Variants in DUSP7 observed in about 807,000 individuals in gnomAD.
The protein encoded by DUSP7 is dual specificity phosphatase 7, also known as dual specificity protein phosphatase 7.
In DUSP7, 7 loss-of-function variants were observed where a neutral mutation model predicts 29.8. The ratio of observed to expected loss-of-function variants is 0.24; its 90% CI spans 0.13 to 0.44. DUSP7 has a LOEUF of 0.44. Ranked by LOEUF, DUSP7 falls within the 20% of genes least tolerant of loss-of-function variation. DUSP7 has a pLI of 1.00. For missense variants in DUSP7, 400 were observed against 583.7 expected (o/e 0.69, Z 3.24); for synonymous variants, 287 against 275.4 (o/e 1.04, Z -0.42).
rs766289615 is a variant in DUSP7 at position 52,054,277 on chromosome 3, C to G, written c.615G>C (p.Leu205=). 34 of 1,604,252 alleles carry G rather than the reference C, an allele frequency of 2.1e-5. No individual in the cohort carries two copies. Among genetic ancestry groups the G allele is most frequent in the Non-Finnish European group, 2.3e-5 (27 of 1,173,962 alleles). The change falls in exon 2 of 3, where the codon CTG becomes CTC. Residue 205 remains leucine (L), a synonymous_variant. Transcript: ENST00000495880. This position sits in a 1 kb window ranked among gnomAD's most constrained non-coding sequence, Gnocchi z 4.1. ...AGCTGATGCGCAGGCCCCCCAGGCC[C>G]AGCACTGAGGTGGGTGGCGAGCTGC... ...SPSSSPPTSV[L]GLGGLRISSD... is the part of the protein sequence containing the mutation.
intron 1 of DUSP7, 129 bp downstream of exon 1, chr3:52,055,721 G>A: frequency 1.7e-6 from 2 of 1,173,716 alleles, no homozygotes; most frequent in Non-Finnish European, 2.3e-6. Context: ...GAGGGCGGAT[G>A]CGGGCCGGGG....
Position 52,050,739 on chromosome 3 carries a change from CG to C in DUSP7, c.*75del. On this transcript the variant is annotated 3_prime_UTR_variant, in exon 3 of 3. Coordinates refer to ENST00000495880, the MANE Select transcript of DUSP7 (RefSeq NM_001947.4). This position sits in a 1 kb window ranked among gnomAD's most constrained non-coding sequence, Gnocchi z 5.0. Reference sequence around the variant, plus strand: ...TGGGGGTTCCTCAGGCCAGAGGTGGCGGGCTTGGGCTCTCCCACCTAGCCCT... The same window carrying C: ...TGGGGGTTCCTCAGGCCAGAGGTGGCGGCTTGGGCTCTCCCACCTAGCCCT... 2 of 1,471,264 alleles carry C rather than the reference CG, an allele frequency of 1.4e-6. No homozygotes were observed. Among genetic ancestry groups the C allele is most frequent in the Non-Finnish European group, 1.8e-6 (2 of 1,092,562 alleles). 91.1% of individuals were successfully genotyped at this position (1,471,264 alleles called of 1,614,324 possible).
At position 52,051,693 on chromosome 3, in the gene DUSP7, C is replaced by T. The variant is rs1701849130; in HGVS notation, c.953-571G>A. On this transcript the variant is annotated intron_variant, in intron 2 of 2. Coordinates refer to ENST00000495880, the MANE Select transcript of DUSP7 (RefSeq NM_001947.4). The surrounding 1 kb of genome is among the most constrained non-coding windows in gnomAD (Gnocchi z 4.8). ...GGCTGGGCTGGTTCTCTTGGAGCCG[C>T]TCCCATGGGTTGTCCCTGAGAGTCT... The T allele has an allele frequency of 6.5e-6, 1 of 152,964 alleles. No homozygotes were observed. Among genetic ancestry groups the T allele is most frequent in the Non-Finnish European group, 1.5e-5 (1 of 68,558 alleles). The allele number at this position is 152,964 out of a possible 1,614,324, so 9.5% of individuals were successfully genotyped here. A position where few individuals can be genotyped will look rare whatever the true frequency, so the allele number is the denominator to read the frequency against.
chr3:52,055,578 G>A (rs529513685), intron 1 of DUSP7, among the ~76,000 whole-genome samples: 2 of 152,186 alleles, frequency 1.3e-5, no homozygotes, highest in South Asian at 2.1e-4. Flanking sequence ...CACTACTGTC[G>A]CCCCATCAAC....
Position 52,050,217 on chromosome 3 carries a change from T to A in DUSP7, c.*598A>T, listed in dbSNP as rs1701831879. On this transcript the variant is annotated 3_prime_UTR_variant, in exon 3 of 3. Coordinates refer to ENST00000495880, the MANE Select transcript of DUSP7 (RefSeq NM_001947.4). The surrounding 1 kb of genome is among the most constrained non-coding windows in gnomAD (Gnocchi z 5.0). ...GCATTTGGTCAAGGTCAACATGGCG[T>A]CTGTCTTTTCCATTAAAAAACAAAA... The A allele has an allele frequency of 6.6e-6, 1 of 152,108 alleles. No homozygotes were observed. Among genetic ancestry groups the A allele is most frequent in the African/African-American group, 2.4e-5 (1 of 41,412 alleles). The allele number at this position is 152,108 out of a possible 1,614,324, so 9.4% of individuals were successfully genotyped here.
intron 1 of DUSP7, among the ~76,000 whole-genome samples, chr3:52,055,275 G>A (rs960982864): frequency 6.6e-6 from 1 of 152,162 alleles, no homozygotes; most frequent in Non-Finnish European, 1.5e-5. Flanking sequence ...GCAGGCTAGG[G>A]ACCTGGGGGT....
rs750795577 is a variant in DUSP7 at position 52,055,917 on chromosome 3, G to A, written c.450C>T (p.Pro150=). The change falls in exon 1 of 3, where the codon CCC becomes CCT. Residue 150 remains proline, a synonymous_variant. Transcript: ENST00000495880. ...TAEWQPEPGA[P]ASVLGLLLQK... ...GTAGGAGCAGGCCGAGCACGGAGGC[G>A]GGAGCGCCGGGCTCGGGCTGCCACT... The A allele has an allele frequency of 2.6e-6, 4 of 1,547,990 alleles. No individual in the cohort carries two copies. Among genetic ancestry groups the A allele is most frequent in the African/African-American group, 1.4e-5 (1 of 73,240 alleles).
In DUSP7 at chr3:52,053,725, C is replaced by T; in HGVS notation, c.952+215G>A. 1 of 591,916 alleles carries T rather than the reference C, an allele frequency of 1.7e-6. No homozygotes were observed. The highest frequency in any genetic ancestry group is 2.8e-5 in the East Asian group (1 of 35,180). The allele number at this position is 591,916 out of a possible 1,614,324, so 36.7% of individuals were successfully genotyped here. On this transcript the variant is annotated intron_variant, in intron 2 of 2. Coordinates refer to ENST00000495880, the MANE Select transcript of DUSP7 (RefSeq NM_001947.4). This position sits in a 1 kb window ranked among gnomAD's most constrained non-coding sequence, Gnocchi z 4.6. ...GCTGTCAGCTAGGGGGAGCTCAGGA[C>T]TCAGGAGACTGCTCAGGCCCCAACA...
intron 1 of DUSP7, among the ~76,000 whole-genome samples, chr3:52,055,114 T>C (rs1283160651): frequency 1.3e-5 from 2 of 152,184 alleles, no homozygotes; most frequent in Non-Finnish European, 2.9e-5. Context: ...CAGCGAGGCA[T>C]GGGCCCTGCG....
rs553981299 is a variant in DUSP7 at position 52,048,991 on chromosome 3, T to C, written c.*1824A>G. On this transcript the variant is annotated 3_prime_UTR_variant, in exon 3 of 3. Coordinates refer to ENST00000495880, the MANE Select transcript of DUSP7 (RefSeq NM_001947.4). The stretch of plus-strand genomic sequence containing the variant: ...TGTTGGTTCGGGATATATATATATA[T>C]GTATGTGTGTGTATATATATACGTA... 1 of 152,350 alleles carries C rather than the reference T, an allele frequency of 6.6e-6. No individual in the cohort carries two copies. The highest frequency in any genetic ancestry group is 2.1e-4 in the South Asian group (1 of 4,822). 9.4% of individuals were successfully genotyped at this position (152,350 alleles called of 1,614,324 possible).
Position 52,054,266 on chromosome 3 carries a change from C to G in DUSP7, c.626G>C (p.Gly209Ala). ...SPPTSVLGLG[G>A]LRISSDCSDG... The stretch of plus-strand genomic sequence containing the variant: ...GGAGCAGTCAGAGCTGATGCGCAGG[C>G]CCCCCAGGCCCAGCACTGAGGTGGG... Residue 209 changes from glycine (G) to alanine (A), a missense_variant, in exon 2 of 3, where the codon GGC becomes GCC. By Grantham distance (60) the Gly-to-Ala change is moderately conservative. Around this residue, in one of 4 missense-constraint regions of DUSP7, gnomAD observed 223 missense variants for 360.9 expected, o/e 0.62. Coordinates refer to ENST00000495880, the MANE Select transcript of DUSP7 (RefSeq NM_001947.4). The surrounding 1 kb of genome is among the most constrained non-coding windows in gnomAD (Gnocchi z 4.1). 1 of 1,604,606 alleles carries G rather than the reference C, an allele frequency of 6.2e-7. No homozygotes were observed.
chr3:52,055,083 G>A (rs947862838), intron 1 of DUSP7, among the ~76,000 whole-genome samples: 15 of 152,362 alleles, frequency 9.8e-5, no homozygotes, highest in African/African-American at 3.6e-4. Context: ...TACAGGGACA[G>A]GAGAAATGGG....
rs776349194 is a variant in DUSP7, at chr3:52,053,498, C to A, written c.952+442G>T. Reference sequence around the variant, plus strand: ...GGGTGTGCCTCTGGCTCCAGGGCTACCTTTCAGCCCTCTTAGGTCCACATT... The same window carrying A: ...GGGTGTGCCTCTGGCTCCAGGGCTAACTTTCAGCCCTCTTAGGTCCACATT... On this transcript the variant is annotated intron_variant, in intron 2 of 2. Coordinates refer to ENST00000495880, the MANE Select transcript of DUSP7 (RefSeq NM_001947.4). This position sits in a 1 kb window ranked among gnomAD's most constrained non-coding sequence, Gnocchi z 4.6. The A allele has an allele frequency of 4.4e-5, 9 of 204,914 alleles. No homozygotes were observed. The highest frequency in any genetic ancestry group is 7.0e-5 in the Non-Finnish European group (7 of 99,468). The allele number at this position is 204,914 out of a possible 1,614,324, so 12.7% of individuals were successfully genotyped here.
At position 52,050,717 on chromosome 3, in the gene DUSP7, G is replaced by T; in HGVS notation, c.*98C>A. 3.0e-6 allele frequency: 4 copies of T among 1,337,552 alleles called. No homozygotes were observed. The South Asian group carries it at 5.8e-5, about 19-fold the overall frequency. The allele number at this position is 1,337,552 out of a possible 1,614,324, so 82.9% of individuals were successfully genotyped here. On this transcript the variant is annotated 3_prime_UTR_variant, in exon 3 of 3. Coordinates refer to ENST00000495880, the MANE Select transcript of DUSP7 (RefSeq NM_001947.4). This position sits in a 1 kb window ranked among gnomAD's most constrained non-coding sequence, Gnocchi z 5.0. The stretch of plus-strand genomic sequence containing the variant: ...GCCTCTGGGCACAGGTGACATCTGG[G>T]GGTTCCTCAGGCCAGAGGTGGCGGG...
Position 52,056,562 on chromosome 3 carries a change from C to T in DUSP7, c.-196G>A, listed in dbSNP as rs1701904311. 6.1e-6 allele frequency: 1 copy of T among 162,716 alleles called. No individual in the cohort carries two copies. The highest frequency in any genetic ancestry group is 1.3e-5 in the Non-Finnish European group (1 of 79,156). The allele number at this position is 162,716 out of a possible 1,614,324, so 10.1% of individuals were successfully genotyped here. Reference sequence around the variant, plus strand: ...CCGCGCGCACCGCGGCCTGACAGCCCCAATTAAACGGCGGCTCCGGCGGCC... The same window carrying T: ...CCGCGCGCACCGCGGCCTGACAGCCTCAATTAAACGGCGGCTCCGGCGGCC... On this transcript the variant is annotated 5_prime_UTR_variant, in exon 1 of 3. Transcript: ENST00000495880. This position sits in a 1 kb window ranked among gnomAD's most constrained non-coding sequence, Gnocchi z 6.4.
rs577373984 is a variant in DUSP7, at chr3:52,051,314, G to A, written c.953-192C>T. Among the ~76,000 whole-genome samples the A allele has an allele frequency of 6.6e-6, 1 of 152,356 alleles. No homozygotes were observed. Among genetic ancestry groups the A allele is most frequent in the East Asian group, 1.9e-4 (1 of 5,194 alleles). On this transcript the variant is annotated intron_variant, in intron 2 of 2. Transcript: ENST00000495880. This position sits in a 1 kb window ranked among gnomAD's most constrained non-coding sequence, Gnocchi z 4.8. The stretch of plus-strand genomic sequence containing the variant: ...TAGAGGTCAACAGCACTGCTGTGGA[G>A]AGGGCTCTGCACACTTTAGCCCCAA...
Position 52,050,892 on chromosome 3 carries a change from C to T in DUSP7, c.1183G>A (p.Ala395Thr), listed in dbSNP as rs144007827. 264 of 1,614,250 alleles carry T rather than the reference C, an allele frequency of 1.6e-4. No individual in the cohort carries two copies. The African/African-American group carries it at 2.9e-3, about 17-fold the overall frequency. ...GAAAAGTAGAGCTGCTCACTCGACG[C>T]GTGGTTGTCGCACGGGCTGCTTAGC... ...LGLSSPCDNH[A>T]SSEQLYFSTP... Residue 395 changes from alanine to threonine, a missense_variant, in exon 3 of 3, where the codon GCG (alanine) becomes ACG (threonine). Ala to Thr is a moderately conservative substitution (Grantham distance 58). This residue lies in a region of DUSP7 where 75 missense variants were observed against 95.0 expected (regional missense o/e 0.79). Transcript: ENST00000495880. This position sits in a 1 kb window ranked among gnomAD's most constrained non-coding sequence, Gnocchi z 5.0.
chr3:52,050,643 G>A lies in DUSP7; in HGVS notation c.*172C>T. On this transcript the variant is annotated 3_prime_UTR_variant, in exon 3 of 3. Coordinates refer to ENST00000495880, the MANE Select transcript of DUSP7 (RefSeq NM_001947.4). This position sits in a 1 kb window ranked among gnomAD's most constrained non-coding sequence, Gnocchi z 5.0. ...CTGCAGTGGGAGACCTTGCCTGCGG[G>A]CCCTGCCCCCAAGGATGGTGAGGGG... 3 of 776,724 alleles carry A rather than the reference G, an allele frequency of 3.9e-6. No homozygotes were observed. The highest frequency in any genetic ancestry group is 6.0e-6 in the Non-Finnish European group (3 of 503,260). The allele number at this position is 776,724 out of a possible 1,614,324, so 48.1% of individuals were successfully genotyped here. A position where few individuals can be genotyped will look rare whatever the true frequency, so the allele number is the denominator to read the frequency against.
chr3:52,050,749 C>A lies in DUSP7; in HGVS notation c.*66G>T. Reference sequence around the variant, plus strand: ...TCAGGCCAGAGGTGGCGGGCTTGGGCTCTCCCACCTAGCCCTGTGGAGAGC... The same window carrying A: ...TCAGGCCAGAGGTGGCGGGCTTGGGATCTCCCACCTAGCCCTGTGGAGAGC... On this transcript the variant is annotated 3_prime_UTR_variant, in exon 3 of 3. Coordinates refer to ENST00000495880, the MANE Select transcript of DUSP7 (RefSeq NM_001947.4). This position sits in a 1 kb window ranked among gnomAD's most constrained non-coding sequence, Gnocchi z 5.0. 6.6e-7 allele frequency: 1 copy of A among 1,516,826 alleles called. No individual in the cohort carries two copies. Among genetic ancestry groups the A allele is most frequent in the South Asian group, 1.3e-5 (1 of 77,788 alleles). 94.0% of individuals were successfully genotyped at this position (1,516,826 alleles called of 1,614,324 possible). A position where few individuals can be genotyped will look rare whatever the true frequency, so the allele number is the denominator to read the frequency against.
Sources: allele counts gnomAD v4.1 joint callset (sites outside exome capture counted in the v4.1 genomes callset), GRCh38; gene constraint gnomAD v4.1.1; regional missense constraint gnomAD v4.1.1; non-coding constraint Gnocchi (gnomAD v3.1); transcripts MANE v1.5; gene names NCBI Gene and HGNC (gene_info 2026-07-23, HGNC 2026-07-21).